Variants in PPP2R2C observed in about 807,000 individuals in gnomAD.
The protein encoded by PPP2R2C is protein phosphatase 2 regulatory subunit Bgamma, also known as protein phosphatase 2, regulatory subunit B, gamma.
A neutral mutation model predicts 45.3 loss-of-function variants in PPP2R2C; 10 were observed. The observed-to-expected ratio is 0.22, with a 90% CI of 0.14 to 0.37. PPP2R2C has a LOEUF of 0.37. Among genes scored for constraint, PPP2R2C ranks in the 10% least tolerant of loss-of-function variants. PPP2R2C has a pLI of 1.00. For synonymous variants in PPP2R2C, 257 were observed against 245.4 expected (o/e 1.05, Z -0.44); for missense variants, 308 against 619.7 (o/e 0.50, Z 5.34).
At chr4:6,404,567 C>A (rs1717662436) in intron 1 of PPP2R2C, among the ~76,000 whole-genome samples, 1 of 152,136 alleles carries the variant, frequency 6.6e-6, no homozygotes, top group Non-Finnish European at 1.5e-5. Flanking sequence ...GAGGGACGGC[C>A]CTAAGTTGCC....
At chr4:6,539,809 C>T (rs1425161489) in intron 1 of PPP2R2C, among the ~76,000 whole-genome samples, 1 of 152,172 alleles carries the variant, frequency 6.6e-6, no homozygotes, top group African/African-American at 2.4e-5. Context: ...ATACAGGAGT[C>T]TCCCCATACG....
Position 6,337,108 on chromosome 4 carries a change from GTGTGTATATATATATATATATATA to G in PPP2R2C, c.791-3401_791-3378del, listed in dbSNP as rs1343821849. ...TTGGCATCTTTGTTTCTGTATGTGTGTGTGTATATATATATATATATATATATATATATATATATATATATATAT... is the reference window on the plus strand; with the variant it reads ...TTGGCATCTTTGTTTCTGTATGTGTGTATATATATATATATATATATATAT... On this transcript the variant is annotated intron_variant, in intron 6 of 8. Coordinates refer to ENST00000382599, the MANE Select transcript of PPP2R2C (RefSeq NM_020416.4). Among the ~76,000 whole-genome samples, 64 of 33,246 alleles carry G rather than the reference GTGTGTATATATATATATATATATA, an allele frequency of 1.9e-3. 8 individuals carry two copies. The highest frequency in any genetic ancestry group is 0.033 in the Middle Eastern group (1 of 30). 21.8% of individuals were successfully genotyped at this position (33,246 alleles called of 152,430 possible). A position where few individuals can be genotyped will look rare whatever the true frequency, so the allele number is the denominator to read the frequency against.
chr4:6,528,590 G>A (rs894569972), intron 2 of PPP2R2C, among the ~76,000 whole-genome samples: 5 of 152,174 alleles, frequency 3.3e-5, no homozygotes, highest in African/African-American at 4.8e-5. Context: ...AAAGCCCAAC[G>A]TATCACCCAT....
intron 1 of PPP2R2C, among the ~76,000 whole-genome samples, chr4:6,468,408 A>C (rs1276085782): frequency 2.0e-5 from 3 of 152,224 alleles, no homozygotes; most frequent in African/African-American, 4.8e-5. Flanking sequence ...CACACAGGAC[A>C]TCCAGGGATG....
intron 1 of PPP2R2C, among the ~76,000 whole-genome samples, chr4:6,537,534 G>A (rs182253100): frequency 3.5e-4 from 53 of 149,976 alleles, no homozygotes; most frequent in African/African-American, 1.2e-3. Context: ...CAATGTAGAC[G>A]AACTTGAAGA....
In PPP2R2C at chr4:6,321,564, C is replaced by G. The variant is rs1422388496; in HGVS notation, c.*1738G>C. Reference sequence around the variant, plus strand: ...GAAGTGAGTACACATGCACTTTGTGCTTTTACACACACAAAAGTATACTGT... The same window carrying G: ...GAAGTGAGTACACATGCACTTTGTGGTTTTACACACACAAAAGTATACTGT... On this transcript the variant is annotated 3_prime_UTR_variant, in exon 9 of 9. Transcript: ENST00000382599. The G allele has an allele frequency of 6.6e-6, 1 of 152,374 alleles. No homozygotes were observed. Among genetic ancestry groups the G allele is most frequent in the Non-Finnish European group, 1.5e-5 (1 of 68,046 alleles). 9.4% of individuals were successfully genotyped at this position (152,374 alleles called of 1,614,324 possible). A position where few individuals can be genotyped will look rare whatever the true frequency, so the allele number is the denominator to read the frequency against.
In PPP2R2C at chr4:6,329,593, C is replaced by T. The variant is rs114747752; in HGVS notation, c.961-240G>A. On this transcript the variant is annotated intron_variant, in intron 7 of 8. Transcript: ENST00000382599. This position sits in a 1 kb window ranked among gnomAD's most constrained non-coding sequence, Gnocchi z 5.8. ...CGACCGTGACACAGCCCAATACAGCCCTGCTCATCTTATCGGGGGGCCCAC... is the reference window on the plus strand; with the variant it reads ...CGACCGTGACACAGCCCAATACAGCTCTGCTCATCTTATCGGGGGGCCCAC... Among the ~76,000 whole-genome samples the T allele has an allele frequency of 3.9e-3, 516 of 132,562 alleles. 3 individuals carry two copies. The highest frequency in any genetic ancestry group is 0.021 in the African/African-American group (494 of 23,364). 87.0% of individuals were successfully genotyped at this position (132,562 alleles called of 152,430 possible). A position where few individuals can be genotyped will look rare whatever the true frequency, so the allele number is the denominator to read the frequency against.
At chr4:6,545,285 G>A (rs1225981790) in intron 1 of PPP2R2C, among the ~76,000 whole-genome samples, 1 of 152,196 alleles carries the variant, frequency 6.6e-6, no homozygotes, top group Non-Finnish European at 1.5e-5. Context: ...CTGAAATCGT[G>A]TTATAATTTA....
chr4:6,487,345 C>A (rs1722560770), intron 2 of PPP2R2C, among the ~76,000 whole-genome samples: 1 of 151,724 alleles, frequency 6.6e-6, no homozygotes, highest in Admixed American at 6.6e-5. Flanking sequence ...TCTAGTATCA[C>A]TTTCATTCTG....
chr4:6,544,633 G>A (rs1170554600), intron 1 of PPP2R2C, among the ~76,000 whole-genome samples: 2 of 152,122 alleles, frequency 1.3e-5, no homozygotes, highest in African/African-American at 4.8e-5. Flanking sequence ...CAGCACACCC[G>A]GCTCCAAAAG....
At chr4:6,467,000 C>A (rs1364498918) in intron 1 of PPP2R2C, among the ~76,000 whole-genome samples, 1 of 152,054 alleles carries the variant, frequency 6.6e-6, no homozygotes, top group Non-Finnish European at 1.5e-5. Context: ...GCCCTTGGCT[C>A]CTTACAGCCT....
chr4:6,510,828 T>A (rs1478886258), intron 2 of PPP2R2C, among the ~76,000 whole-genome samples: 2 of 151,898 alleles, frequency 1.3e-5, no homozygotes, highest in Non-Finnish European at 2.9e-5. Flanking sequence ...ATCCAAAAAA[T>A]TAGCCAGGCA....
At chr4:6,334,401 G>A (rs944803466) in intron 6 of PPP2R2C, among the ~76,000 whole-genome samples, 2 of 152,136 alleles carry the variant, frequency 1.3e-5, no homozygotes, top group East Asian at 1.9e-4. Context: ...TAAAGGCAAC[G>A]GTTTGCTGCC....
At chr4:6,533,958 AACAC>A (rs200538032) in intron 2 of PPP2R2C, among the ~76,000 whole-genome samples, 2 of 151,442 alleles carry the variant, frequency 1.3e-5, no homozygotes, top group Admixed American at 6.6e-5. Context: ...ACCACACAGC[AACAC>A]ACACACACCC....
Position 6,380,979 on chromosome 4 carries a change from A to C in PPP2R2C, c.168+18T>G. ...CTCCCCACCCCTCCCACCTCCCACC[A>C]GACCCAGGGCTTCGCACCTCTGGTT... On this transcript the variant is annotated intron_variant, in intron 2 of 8. Transcript: ENST00000382599. The C allele has an allele frequency of 7.2e-6, 10 of 1,391,280 alleles. No individual in the cohort carries two copies. Among genetic ancestry groups the C allele is most frequent in the East Asian group, 5.3e-5 (2 of 37,758 alleles). The allele number at this position is 1,391,280 out of a possible 1,614,324, so 86.2% of individuals were successfully genotyped here.
chr4:6,539,180 G>GAC (rs371500377), intron 1 of PPP2R2C, among the ~76,000 whole-genome samples: 2 of 151,660 alleles, frequency 1.3e-5, no homozygotes, highest in South Asian at 2.1e-4. Context: ...TGGACACACA[G>GAC]ACACACACAC....
At chr4:6,381,822 G>A (rs1715820354) in intron 1 of PPP2R2C, 1 of 1,613,796 alleles carries the variant, frequency 6.2e-7, no homozygotes, top group African/African-American at 1.3e-5. Flanking sequence ...ATGGGCAAGT[G>A]TTTGGAGAAA....
chr4:6,353,278 TC>T (rs1712736787), intron 5 of PPP2R2C, among the ~76,000 whole-genome samples: 6 of 21,288 alleles, frequency 2.8e-4, no homozygotes, highest in African/African-American at 4.1e-4. Flanking sequence ...ACACCGACAG[TC>T]CCCCCACACC....
intron 1 of PPP2R2C, chr4:6,382,895 C>T (rs972224668): frequency 9.2e-7 from 1 of 1,091,816 alleles, no homozygotes; most frequent in Non-Finnish European, 1.1e-6. Flanking sequence ...CTGCTCAAAA[C>T]CCTCCAGCGG....
Sources: allele counts gnomAD v4.1 joint callset (sites outside exome capture counted in the v4.1 genomes callset), GRCh38; gene constraint gnomAD v4.1.1; non-coding constraint Gnocchi (gnomAD v3.1); transcripts MANE v1.5; gene names NCBI Gene and HGNC (gene_info 2026-07-23, HGNC 2026-07-21).